Variants in SDK1 observed in about 807,000 individuals in gnomAD.
SDK1 encodes the protein sidekick cell adhesion molecule 1.
In SDK1, 157 loss-of-function variants were observed where a neutral mutation model predicts 245.5. That is an observed-to-expected ratio of 0.64 (90% confidence interval 0.56 to 0.73). The LOEUF is 0.73. Ranked by LOEUF, SDK1 falls within the 30% of genes least tolerant of loss-of-function variation. The probability of loss-of-function intolerance (pLI) is 0.00; values close to 1 mark genes in which losing one functional copy is unlikely to be tolerated. For synonymous variants in SDK1, 1,647 were observed against 1,278.5 expected, an observed-to-expected ratio of 1.29 and a Z score of -6.15; for missense variants, 3,583 against 3,002.3, an observed-to-expected ratio of 1.19 and a Z score of -4.52.
At chr7:3,429,601 ATT>A (rs111619702) in intron 1 of SDK1, among the ~76,000 whole-genome samples, 6 of 140,548 alleles carry the variant, frequency 4.3e-5, no homozygotes, top group African/African-American at 7.8e-5. Context: ...GCAAAAGCCT[ATT>A]TTTTTTTTTT....
chr7:3,335,685 A>G (rs1044214418), intron 1 of SDK1, among the ~76,000 whole-genome samples: 3 of 152,234 alleles, frequency 2.0e-5, no homozygotes, highest in Non-Finnish European at 4.4e-5. Context: ...GAGGAAAGTA[A>G]GCACTAGAAC....
At chr7:3,411,572 A>G (rs1562470934) in intron 1 of SDK1, among the ~76,000 whole-genome samples, 4 of 152,186 alleles carry the variant, frequency 2.6e-5, no homozygotes, top group South Asian at 2.1e-4. Context: ...AAACTTGGCT[A>G]TCTTATGGAT....
chr7:3,439,264 C>T (rs568932378), intron 1 of SDK1, among the ~76,000 whole-genome samples: 8 of 152,208 alleles, frequency 5.3e-5, no homozygotes, highest in African/African-American at 1.7e-4. Flanking sequence ...CTTTTATTTC[C>T]CCTGAGTGAA....
rs113827454 is a variant in SDK1 at position 3,510,811 on chromosome 7, G to A, written c.299-108269G>A. On this transcript the variant is annotated intron_variant, in intron 1 of 44. Transcript: ENST00000404826. ...CAAGACAGGCCTGGATACGTTCATG[G>A]AGATTCTCTGTAGATGTAAATTACC... Among the ~76,000 whole-genome samples the A allele has an allele frequency of 3.3e-5, 5 of 152,322 alleles. 1 individual carries two copies. Among genetic ancestry groups the A allele is most frequent in the African/African-American group, 1.2e-4 (5 of 41,562 alleles).
At chr7:4,064,135 A>G (rs1478106977) in intron 19 of SDK1, among the ~76,000 whole-genome samples, 1 of 152,224 alleles carries the variant, frequency 6.6e-6, no homozygotes, top group African/African-American at 2.4e-5. Context: ...AAACAGAGTG[A>G]AGAGACAGCC....
At chr7:4,193,160 T>TA in intron 35 of SDK1, among the ~76,000 whole-genome samples, 1 of 135,006 alleles carries the variant, frequency 7.4e-6, no homozygotes. Context: ...ATATAATATA[T>TA]ATTAAAATAT....
At chr7:3,651,449 G>C (rs1241886624) in intron 4 of SDK1, among the ~76,000 whole-genome samples, 3 of 152,200 alleles carry the variant, frequency 2.0e-5, no homozygotes, top group Non-Finnish European at 2.9e-5. Context: ...ATGGGTGAAA[G>C]AGCAGACAAT....
intron 1 of SDK1, among the ~76,000 whole-genome samples, chr7:3,505,985 A>T (rs1782379655): frequency 6.6e-6 from 1 of 151,918 alleles, no homozygotes; most frequent in South Asian, 2.1e-4. Flanking sequence ...ATACATTTTT[A>T]TTTTTGCTTT....
intron 1 of SDK1, among the ~76,000 whole-genome samples, chr7:3,551,084 C>G (rs1188795508): frequency 6.6e-6 from 1 of 152,120 alleles, no homozygotes; most frequent in Non-Finnish European, 1.5e-5. Context: ...ATCCTGCAAA[C>G]TATTTTTTTT....
At chr7:3,497,184 C>T (rs557095620) in intron 1 of SDK1, among the ~76,000 whole-genome samples, 1 of 152,224 alleles carries the variant, frequency 6.6e-6, no homozygotes, top group South Asian at 2.1e-4. Flanking sequence ...AAGAATGCTC[C>T]AACAAGGCTG....
intron 9 of SDK1, 139 bp from the exon 10 acceptor site, chr7:3,967,179 C>G (rs577089381): frequency 1.0e-5 from 7 of 698,644 alleles, no homozygotes; most frequent in African/African-American, 7.0e-5. Flanking sequence ...GCTGCCGTCC[C>G]TCCTGAACAG....
chr7:3,397,675 C>G (rs1778756601), intron 1 of SDK1, among the ~76,000 whole-genome samples: 2 of 151,964 alleles, frequency 1.3e-5, no homozygotes, highest in African/African-American at 4.8e-5. Flanking sequence ...ATTTGGAGTT[C>G]ATTGAACTTC....
intron 44 of SDK1, among the ~76,000 whole-genome samples, chr7:4,249,124 G>T (rs758708865): frequency 1.3e-5 from 2 of 152,142 alleles, no homozygotes; most frequent in Non-Finnish European, 2.9e-5. Flanking sequence ...TGAGTGTGGG[G>T]ATAGGGGAAG....
intron 1 of SDK1, among the ~76,000 whole-genome samples, chr7:3,307,989 C>T (rs1277487330): frequency 6.6e-6 from 1 of 152,122 alleles, no homozygotes; most frequent in Non-Finnish European, 1.5e-5. Context: ...CTTCATTTTA[C>T]TTTTCTCAGA....
Position 3,465,692 on chromosome 7 carries a change from G to A in SDK1, c.299-153388G>A, listed in dbSNP as rs184776578. 7.3e-4 allele frequency among the ~76,000 whole-genome samples: 111 copies of A among 152,236 alleles called. 1 individual carries two copies. Among genetic ancestry groups the A allele is most frequent in the African/African-American group, 2.5e-3 (105 of 41,546 alleles). On this transcript the variant is annotated intron_variant, in intron 1 of 44. Transcript: ENST00000404826. ...GGGCCTGTGTTCTCTTGTCACCTCCGTATATGATCATTCAGGCGCGTGTCT... is the reference window on the plus strand; with the variant it reads ...GGGCCTGTGTTCTCTTGTCACCTCCATATATGATCATTCAGGCGCGTGTCT...
intron 22 of SDK1, among the ~76,000 whole-genome samples, chr7:4,106,179 G>T (rs1191159170): frequency 6.6e-6 from 1 of 152,234 alleles, no homozygotes; most frequent in Non-Finnish European, 1.5e-5. Context: ...AGGCAGGTGA[G>T]GGGGTCATCT....
In SDK1 at chr7:4,110,678, G is replaced by C; in HGVS notation, c.3340G>C (p.Asp1114His). The C allele has an allele frequency of 1.2e-6, 2 of 1,613,336 alleles. No homozygotes were observed. Among genetic ancestry groups the C allele is most frequent in the Non-Finnish European group, 1.7e-6 (2 of 1,179,562 alleles). Residue 1114 changes from aspartate to histidine, a missense_variant, in exon 23 of 45, where the codon GAC becomes CAC. Physicochemically the swap from Asp to His is moderately conservative, Grantham distance 81. Coordinates refer to ENST00000404826, the MANE Select transcript of SDK1 (RefSeq NM_152744.4). ...CTCTGCACAGGTGGGAGCTATCGGC[G>C]ACGAGGAGGAGTGGGTCACCCTCTA... ...IVEGQVGAIG[D>H]EEEWVTLYEE...
rs76436455 is a variant in SDK1, at chr7:4,090,515, A to C, written c.3324+10931A>C. On this transcript the variant is annotated intron_variant, in intron 22 of 44. Coordinates refer to ENST00000404826, the MANE Select transcript of SDK1 (RefSeq NM_152744.4). The stretch of plus-strand genomic sequence containing the variant: ...GCTATCATTGCTAATTTTGATGCTC[A>C]AACTTCCCTCCATTTGGCGATTTGG... Among the ~76,000 whole-genome samples the C allele has an allele frequency of 7.9e-3, 1,198 of 152,300 alleles. 21 individuals are homozygous for C. Among genetic ancestry groups the C allele is most frequent in the African/African-American group, 0.027 (1,113 of 41,566 alleles).
intron 5 of SDK1, among the ~76,000 whole-genome samples, chr7:3,889,241 C>T (rs1781402076): frequency 6.6e-6 from 1 of 152,234 alleles, no homozygotes; most frequent in South Asian, 2.1e-4. Flanking sequence ...TCTTTATACT[C>T]AGATAGACTC....
Sources: allele counts gnomAD v4.1 joint callset (sites outside exome capture counted in the v4.1 genomes callset), GRCh38; gene constraint gnomAD v4.1.1; transcripts MANE v1.5; gene names NCBI Gene and HGNC (gene_info 2026-07-23, HGNC 2026-07-21).